Variants in DIS3L2 observed in about 807,000 individuals in gnomAD.
DIS3L2 encodes the protein DIS3-like exonuclease 2.
A neutral mutation model predicts 97.5 loss-of-function variants in DIS3L2; 34 were observed. The observed-to-expected ratio is 0.35, with a 90% CI of 0.27 to 0.46. The LOEUF is 0.46. DIS3L2 is among the 20% of genes least tolerant of loss of function. The pLI is 1.00. For missense variants in DIS3L2, 1,038 were observed against 1,146.0 expected (o/e 0.91, Z 1.36); for synonymous variants, 435 against 445.2 (o/e 0.98, Z 0.29).
chr2:232,166,668 A>G (rs1417549761), intron 9 of DIS3L2, among the ~76,000 whole-genome samples: 3 of 152,100 alleles, frequency 2.0e-5, no homozygotes. Context: ...GTGAGCCAAG[A>G]TCGCACCACT....
At position 232,015,592 on chromosome 2, in the gene DIS3L2, G is replaced by A; in HGVS notation, c.131G>A (p.Gly44Glu). The change falls in exon 3 of 21, where the codon GGG becomes GAG. Residue 44 changes from glycine (G) to glutamate (E), a missense_variant. This residue lies in a region of DIS3L2 where 813 missense variants were observed against 880.1 expected (regional missense o/e 0.92). Coordinates refer to ENST00000325385, the MANE Select transcript of DIS3L2 (RefSeq NM_152383.5). ...AAGTCAAAGAACAGGTCCACACGAGGGAAGAAAAAGAGCATATTTGAAACT... is the reference window on the plus strand; with the variant it reads ...AAGTCAAAGAACAGGTCCACACGAGAGAAGAAAAAGAGCATATTTGAAACT... ...DKKSKNRSTR[G>E]KKKSIFETYM... The A allele has an allele frequency of 6.2e-7, 1 of 1,614,008 alleles. No homozygotes were observed.
chr2:232,009,667 G>C (rs1203374212), intron 1 of DIS3L2, among the ~76,000 whole-genome samples: 2 of 152,120 alleles, frequency 1.3e-5, no homozygotes, highest in East Asian at 3.8e-4. Flanking sequence ...CATTTGCAAG[G>C]CCTCATCTTT....
At chr2:232,261,467 T>G (rs1164511333) in intron 12 of DIS3L2, among the ~76,000 whole-genome samples, 5 of 152,196 alleles carry the variant, frequency 3.3e-5, no homozygotes, top group Admixed American at 3.3e-4. Context: ...CTTAACCTGG[T>G]GCTTCCCAGG....
chr2:232,188,282 AT>A (rs1453977368), intron 9 of DIS3L2, among the ~76,000 whole-genome samples: 1 of 152,218 alleles, frequency 6.6e-6, no homozygotes, highest in African/African-American at 2.4e-5. Flanking sequence ...TAATGAAAAT[AT>A]TCTAAAATTA....
Position 232,336,631 on chromosome 2 carries a change from G to A in DIS3L2, c.*1G>A. 1 of 1,582,628 alleles carries A rather than the reference G, an allele frequency of 6.3e-7. No individual in the cohort carries two copies. The highest frequency in any genetic ancestry group is 8.5e-7 in the Non-Finnish European group (1 of 1,169,756). On this transcript the variant is annotated 3_prime_UTR_variant, in exon 21 of 21. Transcript: ENST00000325385. ...GCCCGAGGACTCAAGCACCAGCTGA[G>A]CTCCACCAGCCGCCTGCCCCGCCTG...
chr2:231,994,057 C>T (rs1219787944), intron 1 of DIS3L2, among the ~76,000 whole-genome samples: 1 of 148,412 alleles, frequency 6.7e-6, no homozygotes, highest in Non-Finnish European at 1.5e-5. Context: ...TGGTCTGAGG[C>T]AAAGGTCAAG....
intron 1 of DIS3L2, among the ~76,000 whole-genome samples, chr2:231,985,265 C>T (rs1283764680): frequency 2.6e-5 from 4 of 152,190 alleles, no homozygotes; most frequent in Non-Finnish European, 4.4e-5. Flanking sequence ...CCTCCCTAAC[C>T]CCATCTAAGC....
At chr2:232,135,876 G>T (rs1046104029) in intron 7 of DIS3L2, among the ~76,000 whole-genome samples, 29 of 152,212 alleles carry the variant, frequency 1.9e-4, no homozygotes, top group Non-Finnish European at 3.7e-4. Context: ...TGAGGAGGGG[G>T]TGGTGAGGGA....
intron 5 of DIS3L2, among the ~76,000 whole-genome samples, chr2:232,086,359 G>GTGTATATGTATATGTATATGTATA (rs59054040): frequency 7.0e-4 from 97 of 138,202 alleles, no homozygotes; most frequent in Non-Finnish European, 1.2e-3. Flanking sequence ...GTATATATAT[G>GTGTATATGTATATGTATATGTATA]TGTATATGTA....
At chr2:231,982,879 C>T (rs1167969382) in intron 1 of DIS3L2, among the ~76,000 whole-genome samples, 1 of 152,052 alleles carries the variant, frequency 6.6e-6, no homozygotes, top group Non-Finnish European at 1.5e-5. Flanking sequence ...GAGGTTTCTC[C>T]GTGTTGGCCA....
intron 1 of DIS3L2, among the ~76,000 whole-genome samples, chr2:231,965,231 T>C (rs1692676929): frequency 1.3e-5 from 2 of 152,360 alleles, no homozygotes. Context: ...AAGAGTCTTG[T>C]GAAATGTTGC....
chr2:232,149,329 C>A (rs1205098660), intron 8 of DIS3L2, among the ~76,000 whole-genome samples: 5 of 137,996 alleles, frequency 3.6e-5, no homozygotes, highest in Non-Finnish European at 7.8e-5. Flanking sequence ...GTATATCTCC[C>A]AATGCTATCC....
intron 1 of DIS3L2, among the ~76,000 whole-genome samples, chr2:231,991,222 C>A (rs1489085153): frequency 1.3e-5 from 2 of 151,958 alleles, no homozygotes; most frequent in African/African-American, 2.4e-5. Flanking sequence ...TTCTTAAATT[C>A]CGTAATGTGG....
chr2:232,169,314 A>G (rs1480894747), intron 9 of DIS3L2, among the ~76,000 whole-genome samples: 1 of 152,152 alleles, frequency 6.6e-6, no homozygotes, highest in Non-Finnish European at 1.5e-5. Context: ...TTGTTTATAT[A>G]TAGTATATGT....
chr2:232,063,044 T>A (rs1324499445), intron 5 of DIS3L2, among the ~76,000 whole-genome samples: 1 of 152,188 alleles, frequency 6.6e-6, no homozygotes, highest in East Asian at 1.9e-4. Context: ...TTGTAACTAA[T>A]CTATTTCCAT....
At chr2:232,201,470 A>G (rs1691891350) in intron 9 of DIS3L2, among the ~76,000 whole-genome samples, 1 of 152,244 alleles carries the variant, frequency 6.6e-6, no homozygotes, top group African/African-American at 2.4e-5. Flanking sequence ...TCTTCAGAAT[A>G]AAAAAGCAAT....
chr2:232,274,763 T>G (rs577894138), intron 13 of DIS3L2, among the ~76,000 whole-genome samples: 1 of 152,358 alleles, frequency 6.6e-6, no homozygotes, highest in Admixed American at 6.5e-5. Flanking sequence ...CAAGGACATT[T>G]TCTTTAAAAA....
intron 8 of DIS3L2, among the ~76,000 whole-genome samples, chr2:232,154,094 A>G (rs1184324503): frequency 9.9e-6 from 1 of 101,186 alleles, no homozygotes. Context: ...TATTCTAGTT[A>G]TACATTCTTC....
At chr2:232,077,492 T>A (rs944396726) in intron 5 of DIS3L2, among the ~76,000 whole-genome samples, 2 of 152,202 alleles carry the variant, frequency 1.3e-5, no homozygotes, top group African/African-American at 4.8e-5. Flanking sequence ...TTATTTCTTA[T>A]CAATACTCCT....
Sources: gnomAD v4.1 joint callset for allele counts (sites outside exome capture counted in the v4.1 genomes callset) on GRCh38, gnomAD v4.1.1 for gene constraint, gnomAD v4.1.1 regional missense constraint, MANE v1.5 for transcripts, NCBI Gene and HGNC (gene_info 2026-07-23, HGNC 2026-07-21) for gene names.